EDIL3: variants seen among roughly 807,000 people sequenced by gnomAD.
The protein encoded by EDIL3 is EGF like and discoidin domains 3.
In EDIL3, 37 loss-of-function variants were observed where a neutral mutation model predicts 67.4. That is an observed-to-expected ratio of 0.55 (90% CI 0.42 to 0.72). The LOEUF (loss-of-function observed/expected upper bound fraction) is 0.72. Among genes scored for constraint, EDIL3 ranks in the 30% least tolerant of loss-of-function variants. EDIL3 has a pLI of 0.00. For missense variants in EDIL3, 527 were observed against 586.3 expected, an observed-to-expected ratio of 0.90 and a Z score of 1.04; for synonymous variants, 195 against 196.3, an observed-to-expected ratio of 0.99 and a Z score of 0.05.
In EDIL3 at chr5:83,987,745, T is replaced by G. The variant is rs545616993; in HGVS notation, c.1138-24385A>C. On this transcript the variant is annotated intron_variant, in intron 9 of 10. Transcript: ENST00000296591. ...TGTGTCCAAACCTCTGTATCTTTGC[T>G]ATAGTCTCTGAGGAGGTATAGTTAC... Among the ~76,000 whole-genome samples the G allele has an allele frequency of 3.3e-5, 5 of 152,212 alleles. No homozygotes were observed. The East Asian group carries it at 9.7e-4, about 29-fold the overall frequency.
At chr5:84,125,475 C>T (rs1212523418) in intron 5 of EDIL3, among the ~76,000 whole-genome samples, 1 of 151,962 alleles carries the variant, frequency 6.6e-6, no homozygotes, top group Non-Finnish European at 1.5e-5. Flanking sequence ...TCAATGATAG[C>T]GTCATATATG....
intron 5 of EDIL3, among the ~76,000 whole-genome samples, chr5:84,123,840 G>GA (rs1343336398): frequency 6.6e-6 from 1 of 151,858 alleles, no homozygotes; most frequent in Non-Finnish European, 1.5e-5. Flanking sequence ...TGACTAGAGT[G>GA]AAAAACAGTA....
chr5:84,381,151 T>G (rs1748068263), intron 1 of EDIL3, among the ~76,000 whole-genome samples: 1 of 152,134 alleles, frequency 6.6e-6, no homozygotes, highest in East Asian at 1.9e-4. Flanking sequence ...TTTAAGTCTT[T>G]TCCCAAAACC....
intron 9 of EDIL3, among the ~76,000 whole-genome samples, chr5:84,007,416 A>G (rs1170723063): frequency 3.3e-5 from 5 of 152,208 alleles, no homozygotes; most frequent in African/African-American, 1.2e-4. Context: ...GAGTTCAAAC[A>G]ACTCAGTAGG....
At chr5:84,062,506 C>A (rs1006087958) in intron 8 of EDIL3, among the ~76,000 whole-genome samples, 3 of 152,040 alleles carry the variant, frequency 2.0e-5, no homozygotes, top group Non-Finnish European at 4.4e-5. Flanking sequence ...TATATCCATT[C>A]TGTTGTCTAG....
intron 6 of EDIL3, among the ~76,000 whole-genome samples, chr5:84,096,595 T>C (rs895596594): frequency 2.6e-5 from 4 of 152,188 alleles, no homozygotes; most frequent in Non-Finnish European, 5.9e-5. Flanking sequence ...TATAGGCTCA[T>C]AGGCTGAAGG....
chr5:84,221,300 T>C (rs1198313996), intron 3 of EDIL3, among the ~76,000 whole-genome samples: 3 of 152,136 alleles, frequency 2.0e-5, no homozygotes, highest in Non-Finnish European at 4.4e-5. Flanking sequence ...ATTATACAAC[T>C]ACATTCATAG....
chr5:84,156,912 C>T (rs1459392200), intron 4 of EDIL3, among the ~76,000 whole-genome samples: 1 of 152,044 alleles, frequency 6.6e-6, no homozygotes, highest in East Asian at 1.9e-4. Context: ...TCATTTGAGA[C>T]ACTAGACCAG....
At chr5:83,951,834 G>A (rs1350501616) in intron 10 of EDIL3, among the ~76,000 whole-genome samples, 1 of 151,724 alleles carries the variant, frequency 6.6e-6, no homozygotes, top group African/African-American at 2.4e-5. Context: ...TTTCGTAGAA[G>A]AGTTCAACTG....
chr5:84,319,494 CAAAAAAAAAAAA>C (rs55738450), intron 1 of EDIL3, among the ~76,000 whole-genome samples: 784 of 42,868 alleles, frequency 0.018, 39 homozygotes, highest in Middle Eastern at 0.045. Flanking sequence ...CAAAAAACAA[CAAAAAAAAAAAA>C]AAAAAAAAAA....
chr5:84,111,936 G>T (rs951230140), intron 5 of EDIL3, among the ~76,000 whole-genome samples: 12 of 152,272 alleles, frequency 7.9e-5, no homozygotes, highest in African/African-American at 2.9e-4. Flanking sequence ...CTCTGGGAAT[G>T]ATTCCCGGAA....
chr5:84,289,694 C>T (rs1745876621), intron 1 of EDIL3, among the ~76,000 whole-genome samples: 1 of 152,130 alleles, frequency 6.6e-6, no homozygotes, highest in South Asian at 2.1e-4. Flanking sequence ...GGACACTTTC[C>T]TTATTGATAG....
chr5:84,384,032 C>T (rs6877492), intron 1 of EDIL3, among the ~76,000 whole-genome samples: 17,064 of 152,146 alleles, frequency 0.11, 1,067 homozygotes, highest in African/African-American at 0.13. Flanking sequence ...GTCGCTGGTC[C>T]TGGGGACGCT....
At chr5:84,095,327 T>C (rs1415133469) in intron 6 of EDIL3, among the ~76,000 whole-genome samples, 1 of 151,882 alleles carries the variant, frequency 6.6e-6, no homozygotes, top group Non-Finnish European at 1.5e-5. Flanking sequence ...CAGGCAGAGG[T>C]TGGAACAGTT....
chr5:84,202,682 T>C (rs1486311295), intron 3 of EDIL3, among the ~76,000 whole-genome samples: 4 of 152,142 alleles, frequency 2.6e-5, no homozygotes, highest in Non-Finnish European at 4.4e-5. Context: ...GTTGAGAATA[T>C]TTATTTTTGC....
intron 9 of EDIL3, among the ~76,000 whole-genome samples, chr5:83,989,756 C>T (rs1317192039): frequency 6.6e-6 from 1 of 152,118 alleles, no homozygotes; most frequent in East Asian, 1.9e-4. Context: ...TGCTTCTAAC[C>T]AACAGGGAAT....
intron 10 of EDIL3, among the ~76,000 whole-genome samples, chr5:83,947,783 T>C (rs1338277420): frequency 1.3e-5 from 2 of 151,856 alleles, no homozygotes; most frequent in East Asian, 1.9e-4. Flanking sequence ...TCTCAATGAA[T>C]ATAGAACAAA....
At chr5:83,947,631 T>C (rs1744337849) in intron 10 of EDIL3, among the ~76,000 whole-genome samples, 1 of 151,742 alleles carries the variant, frequency 6.6e-6, no homozygotes, top group African/African-American at 2.4e-5. Context: ...CCTCTAATAT[T>C]TCTAACATGG....
At chr5:84,212,997 T>TA (rs199898963) in intron 3 of EDIL3, among the ~76,000 whole-genome samples, 10,783 of 108,936 alleles carry the variant, frequency 0.099, 863 homozygotes, top group African/African-American at 0.25. Context: ...CAGAGAAGAC[T>TA]AAAAAAAAAA....
Sources: allele counts gnomAD v4.1 joint callset (sites outside exome capture counted in the v4.1 genomes callset), GRCh38; gene constraint gnomAD v4.1.1; transcripts MANE v1.5; gene names NCBI Gene and HGNC (gene_info 2026-07-23, HGNC 2026-07-21).